TAF6: variants seen among roughly 807,000 people sequenced by gnomAD.
The protein encoded by TAF6 is TATA-box binding protein associated factor 6.
Under a neutral mutation model 73.5 loss-of-function variants are expected in TAF6, and 50 were observed. The observed-to-expected ratio is 0.68, with a 90% CI of 0.54 to 0.86. The LOEUF (loss-of-function observed/expected upper bound fraction) is 0.86. Ranked by LOEUF, TAF6 falls within the 40% of genes least tolerant of loss-of-function variation. The pLI is 0.00. For synonymous variants in TAF6, 424 were observed against 376.7 expected (o/e 1.13, Z -1.45); for missense variants, 768 against 899.5 (o/e 0.85, Z 1.87).
At position 100,107,337 on chromosome 7, in the gene TAF6, T is replaced by A; in HGVS notation, c.1943A>T (p.Gln648Leu). The change falls in exon 15 of 15, where the codon CAG becomes CTG. Residue 648 changes from glutamine (Q) to leucine (L), a missense_variant. Around this residue, in one of 5 missense-constraint regions of TAF6, gnomAD observed 350 missense variants for 352.3 expected, o/e 0.99. Transcript: ENST00000453269. ...TGGAGGGGGACTGTCCCCAGCCTCC[T>A]GCTTCCCCCCACAAAGGGCACTGCC... is the stretch of plus-strand genomic sequence containing the variant. Reference protein sequence around the residue: ...LSGSALCGGKQEAGDSPPPAP... With the variant: ...LSGSALCGGKLEAGDSPPPAP... 6.5e-7 allele frequency: 1 copy of A among 1,546,504 alleles called. No individual in the cohort carries two copies. The highest frequency in any genetic ancestry group is 8.7e-7 in the Non-Finnish European group (1 of 1,145,656).
the TAF6 span, among the ~76,000 whole-genome samples, chr7:100,126,189 A>T: frequency 6.6e-6 from 1 of 151,992 alleles, no homozygotes; most frequent in Non-Finnish European, 1.5e-5. Flanking sequence ...CCGTCTCAAA[A>T]AAAAAAGCCA....
intron 14 of TAF6, 148 bp downstream of exon 14, chr7:100,107,778 G>C (rs1307080382): frequency 7.2e-7 from 1 of 1,386,080 alleles, no homozygotes; most frequent in Admixed American, 2.7e-5. Context: ...ATGCAGGGCA[G>C]CTACAGCCCT....
At chr7:100,124,706 T>C (rs779406939), upstream of TAF6, 16 of 1,613,644 alleles carry the variant, frequency 9.9e-6, no homozygotes, top group African/African-American at 1.3e-5. Flanking sequence ...TCTAAATTGT[T>C]TTCTGTCATC....
chr7:100,122,727 G>C (rs1350543875), upstream of TAF6: 17 of 1,577,658 alleles, frequency 1.1e-5, no homozygotes, highest in Non-Finnish European at 1.4e-5. Flanking sequence ...ATGGCAGAAA[G>C]GGGAAGGGAG....
intron 12 of TAF6, among the ~76,000 whole-genome samples, chr7:100,109,312 G>T (rs1162780244): frequency 2.7e-5 from 4 of 150,078 alleles, no homozygotes; most frequent in Non-Finnish European, 5.9e-5. Context: ...GTTACAGAGT[G>T]AGACTCCATC....
At chr7:100,115,028 T>C (rs1797559298) in intron 1 of TAF6, among the ~76,000 whole-genome samples, 2 of 152,080 alleles carry the variant, frequency 1.3e-5, no homozygotes, top group African/African-American at 4.8e-5. Context: ...AGCCAATTTT[T>C]TGCAGGGGCA....
At chr7:100,120,180 A>AC, upstream of TAF6, 1 of 229,146 alleles carries the variant, frequency 4.4e-6, no homozygotes, top group South Asian at 7.1e-5. Flanking sequence ...TGTTTACCTC[A>AC]TGTCACCAGA....
At chr7:100,114,011 T>C (rs1440059845) in intron 2 of TAF6, 43 bp downstream of exon 2, 2 of 1,613,910 alleles carry the variant, frequency 1.2e-6, no homozygotes. Flanking sequence ...GGGCCCTGGG[T>C]GACATGGACC....
chr7:100,126,937 A>G, the TAF6 span: 3 of 157,536 alleles, frequency 1.9e-5, no homozygotes, highest in South Asian at 3.6e-4. Flanking sequence ...CCGGAACTAC[A>G]GCTACCTCCG....
At chr7:100,119,748 G>A, upstream of TAF6, 1 of 1,614,210 alleles carries the variant, frequency 6.2e-7, no homozygotes. Flanking sequence ...CTTTGTCATG[G>A]GACCTGTGCG....
In TAF6 at chr7:100,112,100, GC is replaced by G; in HGVS notation, c.720+7del. The G allele has an allele frequency of 1.2e-6, 2 of 1,613,438 alleles. No individual in the cohort carries two copies. Among genetic ancestry groups the G allele is most frequent in the Non-Finnish European group, 1.7e-6 (2 of 1,179,600 alleles). On this transcript the variant is annotated splice_region_variant and intron_variant, in intron 7 of 14. Transcript: ENST00000453269. ...CTCAGGGCCAGGGCAAGCTGGTGGG[GC>G]CCTCACCGCCCTCTTGGCCTCGCAG...
chr7:100,124,411 T>C (rs1798159639), upstream of TAF6: 1 of 845,828 alleles, frequency 1.2e-6, no homozygotes, highest in Non-Finnish European at 2.0e-6. Context: ...GCTTCCTGGC[T>C]ACCTGCCTCT....
At position 100,107,203 on chromosome 7, in the gene TAF6, C is replaced by T. The variant is rs752655731; in HGVS notation, c.*43G>A. The T allele has an allele frequency of 2.3e-5, 35 of 1,519,092 alleles. No individual in the cohort carries two copies. Among genetic ancestry groups the T allele is most frequent in the Non-Finnish European group, 2.7e-5 (31 of 1,136,586 alleles). The allele number at this position is 1,519,092 out of a possible 1,614,324, so 94.1% of individuals were successfully genotyped here. A position where few individuals can be genotyped will look rare whatever the true frequency, so the allele number is the denominator to read the frequency against. On this transcript the variant is annotated 3_prime_UTR_variant, in exon 15 of 15. Transcript: ENST00000453269. ...GCATGTGTGTACGTGCACGTGTGTA[C>T]ATGTCTGCATGTGTGGGAATCCGGG...
At chr7:100,124,197 A>T (rs1166126478), upstream of TAF6, among the ~76,000 whole-genome samples, 1 of 151,708 alleles carries the variant, frequency 6.6e-6, no homozygotes, top group Non-Finnish European at 1.5e-5. Flanking sequence ...TTGAGCACCT[A>T]CTGTGTCCCA....
At chr7:100,123,855 G>A (rs1298592003), upstream of TAF6, among the ~76,000 whole-genome samples, 3 of 152,228 alleles carry the variant, frequency 2.0e-5, no homozygotes, top group Non-Finnish European at 2.9e-5. Context: ...AATGGGCCAG[G>A]TGCGATGGCT....
the TAF6 span, among the ~76,000 whole-genome samples, chr7:100,126,316 T>C: frequency 6.6e-6 from 1 of 152,096 alleles, no homozygotes; most frequent in Admixed American, 6.6e-5. Context: ...CACTCTAGCC[T>C]GGGCGACAGA....
chr7:100,107,842 C>T lies in TAF6; in HGVS notation c.1656+84G>A, dbSNP rs1470043758. On this transcript the variant is annotated intron_variant, in intron 14 of 14. Transcript: ENST00000453269. ...CTCTTGACTTGGGGCCCAGAGGGGACTGTGCTCTACTCCTGGGCCTCCCCA... is the reference window on the plus strand; with the variant it reads ...CTCTTGACTTGGGGCCCAGAGGGGATTGTGCTCTACTCCTGGGCCTCCCCA... 4 of 1,493,484 alleles carry T rather than the reference C, an allele frequency of 2.7e-6. No individual in the cohort carries two copies. The East Asian group carries it at 9.2e-5, about 34-fold the overall frequency. 92.5% of individuals were successfully genotyped at this position (1,493,484 alleles called of 1,614,324 possible).
intron 14 of TAF6, 62 bp from the exon 15 acceptor site, chr7:100,107,685 C>G: frequency 6.3e-7 from 1 of 1,578,206 alleles, no homozygotes; most frequent in Non-Finnish European, 8.6e-7. Context: ...AGAGGCCTGG[C>G]GAGGACGCTT....
At chr7:100,112,729 A>AT (rs1409626462) in intron 6 of TAF6, 69 bp downstream of exon 6, 1 of 1,509,128 alleles carries the variant, frequency 6.6e-7, no homozygotes, top group Non-Finnish European at 8.9e-7. Flanking sequence ...ACAAAAAAAA[A>AT]GGAAACAAAA....
Sources: gnomAD v4.1 joint callset for allele counts (sites outside exome capture counted in the v4.1 genomes callset) on GRCh38, gnomAD v4.1.1 for gene constraint, gnomAD v4.1.1 regional missense constraint, MANE v1.5 for transcripts, NCBI Gene and HGNC (gene_info 2026-07-23, HGNC 2026-07-21) for gene names.